OR4F16: variants seen among roughly 807,000 people sequenced by gnomAD.
OR4F16 encodes olfactory receptor 4F3/4F16/4F29.
At chr1:701,757 T>A in the OR4F16 span, among the ~76,000 whole-genome samples, 45 of 150,362 alleles carry the variant, frequency 3.0e-4, 1 homozygote, top group Middle Eastern at 3.4e-3. Context: ...AAACAGACAC[T>A]GGGGTCTACT....
At chr1:718,292 CAG>C in the OR4F16 span, among the ~76,000 whole-genome samples, 1 of 106,932 alleles carries the variant, frequency 9.4e-6, no homozygotes, top group African/African-American at 5.3e-5. Flanking sequence ...TCAAATGCAG[CAG>C]AGTGATATTT....
chr1:679,911 A>C, the OR4F16 span, among the ~76,000 whole-genome samples: 15 of 130,540 alleles, frequency 1.1e-4, no homozygotes, highest in African/African-American at 4.6e-4. Context: ...GACACAACAA[A>C]AAAAAAGAAA....
chr1:691,476 C>G (rs1420987240), upstream of OR4F16, among the ~76,000 whole-genome samples: 1 of 152,076 alleles, frequency 6.6e-6, no homozygotes, highest in Non-Finnish European at 1.5e-5. Flanking sequence ...GTTTTGTCCT[C>G]TGACCACGCT....
upstream of OR4F16, among the ~76,000 whole-genome samples, chr1:691,050 AAAC>A (rs1381781729): frequency 2.7e-5 from 4 of 149,466 alleles, no homozygotes; most frequent in Admixed American, 1.3e-4. Flanking sequence ...CATCAATAAA[AAAC>A]AACAAAAAAA....
chr1:691,088 AATAC>A (rs1215336620), upstream of OR4F16, among the ~76,000 whole-genome samples: 3 of 150,086 alleles, frequency 2.0e-5, no homozygotes, highest in Admixed American at 6.6e-5. Flanking sequence ...ATCAAAAATA[AATAC>A]ATAAATACAT....
the OR4F16 span, among the ~76,000 whole-genome samples, chr1:702,543 G>T: frequency 5.6e-5 from 4 of 71,446 alleles, 1 homozygote. Context: ...ATATTATCAT[G>T]CTCCTTTTGT....
At chr1:692,184 C>T in the OR4F16 span, among the ~76,000 whole-genome samples, 3 of 133,692 alleles carry the variant, frequency 2.2e-5, no homozygotes, top group African/African-American at 9.1e-5. Context: ...AACAAATCCT[C>T]TACAATATAA....
chr1:701,355 T>C, the OR4F16 span, among the ~76,000 whole-genome samples: 1 of 149,800 alleles, frequency 6.7e-6, no homozygotes, highest in Non-Finnish European at 1.5e-5. Flanking sequence ...ATATAAAAAA[T>C]AGGAAAAATA....
At chr1:701,473 G>A in the OR4F16 span, among the ~76,000 whole-genome samples, 1 of 150,210 alleles carries the variant, frequency 6.7e-6, no homozygotes, top group Non-Finnish European at 1.5e-5. Context: ...CTGAGAACAA[G>A]AGACTGAGGA....
chr1:709,343 C>CAT, the OR4F16 span, among the ~76,000 whole-genome samples: 1 of 34,906 alleles, frequency 2.9e-5, no homozygotes, highest in Non-Finnish European at 7.3e-5. Flanking sequence ...ATATTTACAA[C>CAT]ATATATATAA....
upstream of OR4F16, among the ~76,000 whole-genome samples, chr1:690,537 G>T (rs879201368): frequency 2.8e-5 from 4 of 143,676 alleles, no homozygotes; most frequent in East Asian, 2.1e-4. Context: ...GGACTTTGAG[G>T]TTGACCAGGC....
upstream of OR4F16, among the ~76,000 whole-genome samples, chr1:691,508 GC>G (rs1643066110): frequency 6.6e-6 from 1 of 151,622 alleles, no homozygotes; most frequent in African/African-American, 2.4e-5. Flanking sequence ...TTGATGGTAA[GC>G]CCCATAATCT....
At chr1:717,097 G>T in the OR4F16 span, among the ~76,000 whole-genome samples, 1 of 135,478 alleles carries the variant, frequency 7.4e-6, no homozygotes, top group Admixed American at 7.9e-5. Context: ...ACAAATATTT[G>T]AGGTGATGGA....
At chr1:692,313 C>A in the OR4F16 span, among the ~76,000 whole-genome samples, 2 of 144,140 alleles carry the variant, frequency 1.4e-5, no homozygotes, top group African/African-American at 2.7e-5. Context: ...CTAAAGAAGT[C>A]TTTTCAAGTA....
chr1:708,443 CAT>C, the OR4F16 span, among the ~76,000 whole-genome samples: 1 of 140,350 alleles, frequency 7.1e-6, no homozygotes, highest in Non-Finnish European at 1.5e-5. Context: ...AAAATAAACT[CAT>C]GTGCCATAAT....
chr1:702,398 A>T, the OR4F16 span: 4 of 150,414 alleles, frequency 2.7e-5, no homozygotes, highest in Non-Finnish European at 5.9e-5. Context: ...AAGTGTTACC[A>T]CTATTGTGTG....
chr1:701,876 AG>A, the OR4F16 span: 2 of 151,838 alleles, frequency 1.3e-5, no homozygotes, highest in Non-Finnish European at 2.9e-5. Context: ...CTGTGACACC[AG>A]TCTACCTATG....
chr1:715,658 T>A, the OR4F16 span, among the ~76,000 whole-genome samples: 2 of 94,692 alleles, frequency 2.1e-5, no homozygotes, highest in African/African-American at 4.6e-5. Context: ...TTGGCAAAAC[T>A]CTGTCTCTAC....
upstream of OR4F16, among the ~76,000 whole-genome samples, chr1:691,221 A>G (rs1643058785): frequency 6.6e-6 from 1 of 152,054 alleles, no homozygotes; most frequent in African/African-American, 2.4e-5. Flanking sequence ...GTATAGCACA[A>G]TAAATGTTAT....
Sources: allele counts gnomAD v4.1 joint callset (sites outside exome capture counted in the v4.1 genomes callset), GRCh38; gene constraint gnomAD v4.1.1; transcripts MANE v1.5; gene names NCBI Gene and HGNC (gene_info 2026-07-23, HGNC 2026-07-21).